The following APCDD1L variants were observed in gnomAD, a reference collection of about 807,000 sequenced individuals.
APCDD1L encodes protein APCDD1-like.
In APCDD1L, 21 loss-of-function variants were observed where a neutral mutation model predicts 24.2. The observed-to-expected ratio is 0.87, with a 90% CI of 0.61 to 1.25. APCDD1L has a LOEUF of 1.25. Among genes scored for constraint, APCDD1L ranks in the 50% most tolerant of loss-of-function variants. The probability of loss-of-function intolerance (pLI) is 0.00; values close to 1 mark genes in which losing one functional copy is unlikely to be tolerated. For synonymous variants in APCDD1L, 321 were observed against 323.6 expected (o/e 0.99, Z 0.09); for missense variants, 704 against 711.7 (o/e 0.99, Z 0.12).
chr20:58,490,980 G>GA (rs1262037793), intron 1 of APCDD1L, among the ~76,000 whole-genome samples: 7 of 152,180 alleles, frequency 4.6e-5, no homozygotes, highest in African/African-American at 1.7e-4. Flanking sequence ...ATTAACATTA[G>GA]AAAAATCTGT....
intron 3 of APCDD1L, among the ~76,000 whole-genome samples, chr20:58,464,073 G>C (rs1161531311): frequency 6.6e-6 from 1 of 151,934 alleles, no homozygotes; most frequent in African/African-American, 2.4e-5. Context: ...GTTTGTGATG[G>C]GAGCAAGCAA....
intron 2 of APCDD1L, among the ~76,000 whole-genome samples, chr20:58,469,736 A>G (rs1172119197): frequency 1.3e-5 from 2 of 152,152 alleles, no homozygotes; most frequent in African/African-American, 4.8e-5. Context: ...TCCTCCAACG[A>G]AAGCGCTAGC....
chr20:58,513,506 C>T (rs973599597), intron 1 of APCDD1L, among the ~76,000 whole-genome samples: 1 of 152,192 alleles, frequency 6.6e-6, no homozygotes, highest in African/African-American at 2.4e-5. Flanking sequence ...CTTCTCAAAA[C>T]AGCTTGTTTA....
At chr20:58,477,685 C>A (rs1989936332) in intron 1 of APCDD1L, among the ~76,000 whole-genome samples, 1 of 152,240 alleles carries the variant, frequency 6.6e-6, no homozygotes, top group South Asian at 2.1e-4. Flanking sequence ...CATTCCCTCA[C>A]TAATTTTAGC....
intron 1 of APCDD1L, among the ~76,000 whole-genome samples, chr20:58,495,993 G>A (rs557862481): frequency 1.3e-5 from 2 of 152,298 alleles, no homozygotes; most frequent in East Asian, 1.9e-4. Context: ...CGGTGGCTGC[G>A]CTTGAGGCCC....
chr20:58,494,636 G>A lies in APCDD1L; in HGVS notation c.49+20023C>T, dbSNP rs1470069297. Among the ~76,000 whole-genome samples the A allele has an allele frequency of 3.3e-5, 5 of 152,256 alleles. No homozygotes were observed. In the Middle Eastern group the frequency reaches 0.014, roughly 414 times the overall value. On this transcript the variant is annotated intron_variant, in intron 1 of 3. Coordinates refer to ENST00000371149, the MANE Select transcript of APCDD1L (RefSeq NM_153360.3). This position sits in a 1 kb window ranked among gnomAD's most constrained non-coding sequence, Gnocchi z 4.8. ...TTATAGGTGTGAGCCACTGTGCCTGGCTGTCAACTGTGTTTCAAAGTATAC... is the reference window on the plus strand; with the variant it reads ...TTATAGGTGTGAGCCACTGTGCCTGACTGTCAACTGTGTTTCAAAGTATAC...
At chr20:58,487,166 T>C (rs1454938343) in intron 1 of APCDD1L, among the ~76,000 whole-genome samples, 1 of 151,936 alleles carries the variant, frequency 6.6e-6, no homozygotes, top group Non-Finnish European at 1.5e-5. Context: ...CCCTCTAATT[T>C]TGTGGGGTTA....
chr20:58,471,888 G>A (rs1352149529), intron 1 of APCDD1L, among the ~76,000 whole-genome samples: 2 of 152,226 alleles, frequency 1.3e-5, no homozygotes, highest in Non-Finnish European at 2.9e-5. Flanking sequence ...TGGGTCAGGA[G>A]GGGCTGAGTC....
At chr20:58,503,825 G>A (rs1990486114) in intron 1 of APCDD1L, among the ~76,000 whole-genome samples, 1 of 152,186 alleles carries the variant, frequency 6.6e-6, no homozygotes, top group African/African-American at 2.4e-5. Flanking sequence ...AGCTAAAAAG[G>A]GACTTCTTGG....
intron 1 of APCDD1L, among the ~76,000 whole-genome samples, chr20:58,475,682 C>T (rs1989894712): frequency 6.6e-6 from 1 of 152,100 alleles, no homozygotes; most frequent in South Asian, 2.1e-4. Context: ...GCTGCCACGA[C>T]AAAGACCACA....
At chr20:58,492,845 C>A (rs548610201) in intron 1 of APCDD1L, among the ~76,000 whole-genome samples, 2 of 147,582 alleles carry the variant, frequency 1.4e-5, no homozygotes, top group African/African-American at 5.0e-5. Context: ...AATGCAAGCA[C>A]GCATACATGC....
intron 1 of APCDD1L, among the ~76,000 whole-genome samples, chr20:58,489,627 T>A (rs1211992221): frequency 1.3e-5 from 2 of 150,868 alleles, no homozygotes; most frequent in African/African-American, 4.9e-5. Flanking sequence ...GAGGTTGCAG[T>A]CAGCCGAGAT....
intron 1 of APCDD1L, among the ~76,000 whole-genome samples, chr20:58,478,942 G>A (rs1989969737): frequency 6.6e-6 from 1 of 152,018 alleles, no homozygotes; most frequent in Admixed American, 6.5e-5. Flanking sequence ...CATGTCACAG[G>A]CTTAGATGGG....
intron 1 of APCDD1L, among the ~76,000 whole-genome samples, chr20:58,490,872 A>G (rs1448960467): frequency 6.6e-6 from 1 of 152,222 alleles, no homozygotes; most frequent in Non-Finnish European, 1.5e-5. Context: ...AATCGCATTT[A>G]TGGACATGGT....
chr20:58,503,357 C>T (rs1344135719), intron 1 of APCDD1L, among the ~76,000 whole-genome samples: 2 of 152,166 alleles, frequency 1.3e-5, no homozygotes, highest in Non-Finnish European at 2.9e-5. Flanking sequence ...AAATTGGAGT[C>T]CATCAGAATT....
rs538669727 is a variant in APCDD1L at position 58,467,525 on chromosome 20, C to T, written c.322G>A (p.Gly108Ser). 14 of 1,596,458 alleles carry T rather than the reference C, an allele frequency of 8.8e-6. No individual in the cohort carries two copies. The Admixed American group carries it at 1.4e-4, about 16-fold the overall frequency. The change falls in exon 3 of 4, where the codon GGC becomes AGC. Residue 108 changes from glycine (G) to serine (S), a missense_variant. By Grantham distance (56) the Gly-to-Ser change is moderately conservative. Transcript: ENST00000371149. The surrounding 1 kb of genome is among the most constrained non-coding windows in gnomAD (Gnocchi z 5.9). Reference protein sequence around the residue: ...GEPAHSLLVKGKVRLRRASWV... With the variant: ...GEPAHSLLVKSKVRLRRASWV... ...GAGGCCCGGCGCAGGCGGACTTTGC[C>T]CTTGACGAGCAGCGAGTGGGCAGGT...
intron 1 of APCDD1L, among the ~76,000 whole-genome samples, chr20:58,495,174 C>T (rs901560274): frequency 1.2e-4 from 18 of 152,232 alleles, no homozygotes; most frequent in African/African-American, 4.1e-4. Flanking sequence ...ACCCTAGTGT[C>T]GTACCTGCCA....
intron 1 of APCDD1L, among the ~76,000 whole-genome samples, chr20:58,475,785 C>T (rs1014557933): frequency 1.3e-5 from 2 of 152,242 alleles, no homozygotes; most frequent in East Asian, 1.9e-4. Flanking sequence ...AGGGCCTCTC[C>T]CAGCACCTGG....
intron 1 of APCDD1L, among the ~76,000 whole-genome samples, chr20:58,484,470 C>G (rs1990083313): frequency 6.6e-6 from 1 of 152,136 alleles, no homozygotes; most frequent in South Asian, 2.1e-4. Context: ...ATAAATCTTT[C>G]TAGGCTTTTT....
Sources: gnomAD v4.1 joint callset for allele counts (sites outside exome capture counted in the v4.1 genomes callset) on GRCh38, gnomAD v4.1.1 for gene constraint, Gnocchi (gnomAD v3.1) non-coding constraint, MANE v1.5 for transcripts, NCBI Gene and HGNC (gene_info 2026-07-23, HGNC 2026-07-21) for gene names.